The following LRP1B variants were observed in gnomAD, a reference collection of about 807,000 sequenced individuals.
LRP1B encodes LDL receptor related protein 1B, also known as low-density lipoprotein receptor-related protein 1B.
Under a neutral mutation model 556.6 loss-of-function variants are expected in LRP1B, and 217 were observed. The ratio of observed to expected loss-of-function variants is 0.39; its 90% CI spans 0.35 to 0.44. LRP1B has a LOEUF of 0.44. LRP1B is among the 20% of genes least tolerant of loss of function. The pLI is 1.00. For synonymous variants in LRP1B, 2,047 were observed against 1,865.8 expected, an observed-to-expected ratio of 1.10 and a Z score of -2.50; for missense variants, 5,053 against 5,620.8, an observed-to-expected ratio of 0.90 and a Z score of 3.23.
chr2:141,510,236 C>CACACCCA (rs1553524111), intron 2 of LRP1B, among the ~76,000 whole-genome samples: 3 of 132,160 alleles, frequency 2.3e-5, no homozygotes, highest in East Asian at 2.1e-4. Flanking sequence ...ACACACACAC[C>CACACCCA]CCCCACAGTC....
intron 1 of LRP1B, among the ~76,000 whole-genome samples, chr2:142,048,967 T>C (rs541102181): frequency 3.3e-5 from 5 of 152,214 alleles, no homozygotes; most frequent in African/African-American, 9.6e-5. Context: ...AGAAATACTT[T>C]AGGATGGGAA....
At chr2:140,982,542 C>G (rs1457824440) in intron 17 of LRP1B, among the ~76,000 whole-genome samples, 1 of 152,102 alleles carries the variant, frequency 6.6e-6, no homozygotes, top group East Asian at 1.9e-4. Context: ...ATAAATGAAG[C>G]TATGAATTCA....
At chr2:141,412,261 C>T (rs191067476) in intron 3 of LRP1B, among the ~76,000 whole-genome samples, 34 of 152,250 alleles carry the variant, frequency 2.2e-4, no homozygotes, top group African/African-American at 8.2e-4. Context: ...AGCTTAAAGC[C>T]CTGCTGAAGT....
At chr2:140,693,139 T>C (rs1186365767) in intron 41 of LRP1B, among the ~76,000 whole-genome samples, 1 of 152,204 alleles carries the variant, frequency 6.6e-6, no homozygotes, top group African/African-American at 2.4e-5. Context: ...AATTGTTTTT[T>C]ATTGGTAATA....
chr2:142,025,019 GA>G (rs750457444), intron 1 of LRP1B, among the ~76,000 whole-genome samples: 2 of 152,102 alleles, frequency 1.3e-5, no homozygotes, highest in South Asian at 2.1e-4. Flanking sequence ...GTATGTGTGG[GA>G]AAGAAAACCA....
At chr2:140,419,604 T>G (rs1228446317) in intron 66 of LRP1B, among the ~76,000 whole-genome samples, 2 of 152,212 alleles carry the variant, frequency 1.3e-5, no homozygotes, top group African/African-American at 2.4e-5. Flanking sequence ...AAGTATATAC[T>G]GTGATCACCA....
At chr2:140,675,185 T>C (rs570586592) in intron 41 of LRP1B, among the ~76,000 whole-genome samples, 8 of 152,252 alleles carry the variant, frequency 5.3e-5, no homozygotes, top group African/African-American at 1.4e-4. Flanking sequence ...TTTCCCTTAT[T>C]TAAAATCATC....
At chr2:141,849,712 T>C (rs1372616705) in intron 1 of LRP1B, among the ~76,000 whole-genome samples, 2 of 151,720 alleles carry the variant, frequency 1.3e-5, no homozygotes, top group Non-Finnish European at 3.0e-5. Flanking sequence ...TGAAAGGTTC[T>C]ATACATATGT....
At chr2:140,997,935 A>G (rs1697301502) in intron 15 of LRP1B, among the ~76,000 whole-genome samples, 1 of 151,998 alleles carries the variant, frequency 6.6e-6, no homozygotes, top group African/African-American at 2.4e-5. Flanking sequence ...AGCCAACCTA[A>G]GTGGTACATA....
intron 6 of LRP1B, among the ~76,000 whole-genome samples, chr2:141,192,855 T>A (rs143112901): frequency 1.3e-5 from 2 of 152,186 alleles, no homozygotes; most frequent in African/African-American, 4.8e-5. Flanking sequence ...CAAGCAACTA[T>A]GTTTTTAAAA....
intron 4 of LRP1B, among the ~76,000 whole-genome samples, chr2:141,251,926 T>C (rs550273465): frequency 6.6e-6 from 1 of 152,234 alleles, no homozygotes; most frequent in South Asian, 2.1e-4. Flanking sequence ...CATGTGATTC[T>C]ACAATCATAG....
At chr2:141,961,769 C>G (rs1254884761) in intron 1 of LRP1B, among the ~76,000 whole-genome samples, 4 of 151,550 alleles carry the variant, frequency 2.6e-5, no homozygotes, top group Admixed American at 2.6e-4. Context: ...GTATATTTGC[C>G]TTTAAAAAAT....
In LRP1B at chr2:140,512,551, C is replaced by T. The variant is rs115908572; in HGVS notation, c.8269+2102G>A. On this transcript the variant is annotated intron_variant, in intron 51 of 90. Transcript: ENST00000389484. ...TTAATATTTTGGAACCTGAATTCTG[C>T]TCATACCTCTGTCATAGTTAATTAT... 3.5e-3 allele frequency among the ~76,000 whole-genome samples: 533 copies of T among 152,222 alleles called. 1 individual carries two copies. Among genetic ancestry groups the T allele is most frequent in the Non-Finnish European group, 5.8e-3 (397 of 67,992 alleles).
chr2:140,647,050 T>C (rs998482848), intron 41 of LRP1B, among the ~76,000 whole-genome samples: 1 of 152,256 alleles, frequency 6.6e-6, no homozygotes, highest in South Asian at 2.1e-4. Context: ...TGAACACTAA[T>C]GGGAAGATGT....
At chr2:140,992,514 A>G (rs1341450924) in intron 16 of LRP1B, 1 of 152,132 alleles carries the variant, frequency 6.6e-6, no homozygotes, top group African/African-American at 2.4e-5. Flanking sequence ...AAGCTGATAT[A>G]TAGGGAGCAT....
chr2:142,111,801 A>G (rs1300943389), intron 1 of LRP1B, among the ~76,000 whole-genome samples: 1 of 152,128 alleles, frequency 6.6e-6, no homozygotes, highest in East Asian at 1.9e-4. Context: ...AAACATTATT[A>G]CTAATACTGC....
intron 3 of LRP1B, among the ~76,000 whole-genome samples, chr2:141,399,439 ACT>A (rs1283028678): frequency 3.1e-5 from 3 of 96,882 alleles, no homozygotes; most frequent in Admixed American, 9.9e-5. Flanking sequence ...TTTAAAAGTC[ACT>A]GTTTCCTCCC....
chr2:140,919,878 C>T (rs999586345), intron 21 of LRP1B, among the ~76,000 whole-genome samples: 31 of 151,954 alleles, frequency 2.0e-4, no homozygotes, highest in African/African-American at 6.5e-4. Flanking sequence ...AGAATACTTG[C>T]GTGAATACAC....
intron 2 of LRP1B, among the ~76,000 whole-genome samples, chr2:141,709,824 A>G (rs1692290840): frequency 1.3e-5 from 2 of 152,154 alleles, no homozygotes; most frequent in Non-Finnish European, 2.9e-5. Flanking sequence ...ATGGAATACC[A>G]GAGATTGGCT....
Sources: allele counts gnomAD v4.1 joint callset (sites outside exome capture counted in the v4.1 genomes callset), GRCh38; gene constraint gnomAD v4.1.1; transcripts MANE v1.5; gene names NCBI Gene and HGNC (gene_info 2026-07-23, HGNC 2026-07-21).